The following NFASC variants were observed in gnomAD, a reference collection of about 807,000 sequenced individuals.
NFASC encodes the protein neurofascin.
In NFASC, 43 loss-of-function variants were observed where a neutral mutation model predicts 147.5. That is an observed-to-expected ratio of 0.29 (90% CI 0.23 to 0.38). The LOEUF (loss-of-function observed/expected upper bound fraction) is 0.38. Ranked by LOEUF, NFASC falls within the 10% of genes least tolerant of loss-of-function variation. The pLI is 1.00. For missense variants in NFASC, 1,320 were observed against 1,689.0 expected (o/e 0.78, Z 3.83); for synonymous variants, 622 against 665.5 (o/e 0.93, Z 1.01).
chr1:204,995,348 GTGTGTA>G (rs946745133), intron 24 of NFASC, among the ~76,000 whole-genome samples: 2 of 148,312 alleles, frequency 1.3e-5, no homozygotes, highest in Non-Finnish European at 3.0e-5. Context: ...GTGTGTGTGT[GTGTGTA>G]TGTGTGTCGG....
intron 29 of NFASC, among the ~76,000 whole-genome samples, chr1:205,014,851 T>C (rs967665647): frequency 4.1e-4 from 63 of 151,950 alleles, no homozygotes; most frequent in African/African-American, 1.2e-3. Context: ...TGGAAAGGAG[T>C]GCATGCGAAT....
At chr1:204,921,997 G>A (rs1356347759) in intron 2 of NFASC, among the ~76,000 whole-genome samples, 1 of 152,162 alleles carries the variant, frequency 6.6e-6, no homozygotes, top group Non-Finnish European at 1.5e-5. Context: ...TGAACATACT[G>A]ACTGACAGTG....
In NFASC at chr1:205,015,205, G is replaced by A. The variant is rs150383786; in HGVS notation, c.3492-1103G>A. ...TTCCCCACGTCCAGGAAGGACTGGG[G>A]GTGGGTGGGGAGCTGGGGGCAAGGC... On this transcript the variant is annotated intron_variant, in intron 29 of 29. Coordinates refer to ENST00000339876, the MANE Select transcript of NFASC (RefSeq NM_001005388.3). This position sits in a 1 kb window ranked among gnomAD's most constrained non-coding sequence, Gnocchi z 4.0. Among the ~76,000 whole-genome samples the A allele has an allele frequency of 8.3e-4, 126 of 152,272 alleles. 1 individual carries two copies. The highest frequency in any genetic ancestry group is 6.2e-3 in the East Asian group (32 of 5,168).
intron 1 of NFASC, among the ~76,000 whole-genome samples, chr1:204,894,074 G>C (rs934482527): frequency 4.6e-5 from 7 of 152,154 alleles, no homozygotes; most frequent in Non-Finnish European, 7.3e-5. Context: ...TCAACTCTTT[G>C]TACCTGGATG....
At chr1:204,860,732 G>T (rs1309921491) in intron 1 of NFASC, among the ~76,000 whole-genome samples, 1 of 152,168 alleles carries the variant, frequency 6.6e-6, no homozygotes, top group African/African-American at 2.4e-5. Flanking sequence ...CAATGAAGTG[G>T]TCACTTCCCA....
At chr1:204,835,669 A>C (rs1290676174) in intron 1 of NFASC, among the ~76,000 whole-genome samples, 2 of 152,174 alleles carry the variant, frequency 1.3e-5, no homozygotes, top group Non-Finnish European at 2.9e-5. Context: ...CATGTAATTC[A>C]GTAGTGAGGG....
intron 27 of NFASC, 152 bp from the exon 28 acceptor site, chr1:205,009,405 A>G (rs1530745): frequency 0.7 from 568,722 of 816,068 alleles, 201,521 homozygotes; most frequent in Middle Eastern, 0.76. Flanking sequence ...GTCCTTTAGC[A>G]GGGTAGTTTG....
At chr1:204,989,061 A>G in intron 23 of NFASC, 1 of 541,722 alleles carries the variant, frequency 1.8e-6, no homozygotes, top group Non-Finnish European at 3.3e-6. Context: ...GTCACTTGAC[A>G]TCTATCATCT....
Position 205,001,176 on chromosome 1 carries a change from A to G in NFASC, c.3026A>G (p.Asp1009Gly). ...TTTCTAACCCGTCCACCAGCCCCTG[A>G]TGAGCAGTCCATATGGAACGTCACG... ...SGTKIHESAP[D>G]EQSIWNVTVL... The change falls in exon 26 of 30, where the codon GAT becomes GGT. Residue 1009 changes from aspartate to glycine, a missense_variant. Around this residue, in one of 3 missense-constraint regions of NFASC, gnomAD observed 172 missense variants for 165.8 expected, o/e 1.04. Coordinates refer to ENST00000339876, the MANE Select transcript of NFASC (RefSeq NM_001005388.3). The G allele has an allele frequency of 6.2e-7, 1 of 1,605,902 alleles. No individual in the cohort carries two copies. The highest frequency in any genetic ancestry group is 8.5e-7 in the Non-Finnish European group (1 of 1,174,964).
intron 1 of NFASC, among the ~76,000 whole-genome samples, chr1:204,900,671 CAG>C (rs1365438712): frequency 6.6e-6 from 1 of 152,000 alleles, no homozygotes; most frequent in African/African-American, 2.4e-5. Context: ...GCAGGGGAGA[CAG>C]GGAGTGCTGG....
At chr1:204,875,282 C>T (rs572816167) in intron 1 of NFASC, among the ~76,000 whole-genome samples, 1 of 152,250 alleles carries the variant, frequency 6.6e-6, no homozygotes, top group South Asian at 2.1e-4. Context: ...GGGCCCTTCT[C>T]TCATAAAGAG....
intron 2 of NFASC, among the ~76,000 whole-genome samples, chr1:204,928,471 G>A (rs2091973417): frequency 6.6e-6 from 1 of 152,090 alleles, no homozygotes; most frequent in Admixed American, 6.5e-5. Flanking sequence ...ATGCACTTTG[G>A]GCTTCCTTGC....
intron 1 of NFASC, among the ~76,000 whole-genome samples, chr1:204,886,001 G>A (rs1207889705): frequency 2.0e-5 from 3 of 152,178 alleles, no homozygotes; most frequent in East Asian, 1.9e-4. Context: ...TTTCGAAATC[G>A]CTTTCGAGGC....
At chr1:204,896,569 T>C (rs983443621) in intron 1 of NFASC, among the ~76,000 whole-genome samples, 2 of 152,194 alleles carry the variant, frequency 1.3e-5, no homozygotes, top group African/African-American at 4.8e-5. Flanking sequence ...CCATTCCATG[T>C]GTGTTGTACA....
At chr1:204,940,523 A>G (rs1437475802) in intron 2 of NFASC, among the ~76,000 whole-genome samples, 2 of 152,090 alleles carry the variant, frequency 1.3e-5, no homozygotes, top group Admixed American at 6.5e-5. Context: ...TGCACCCACA[A>G]CTCTATCCAG....
At chr1:205,001,088 C>T (rs780927072) in intron 25 of NFASC, 82 bp from the exon 26 acceptor site, 82 of 805,230 alleles carry the variant, frequency 1.0e-4, no homozygotes, top group Non-Finnish European at 1.5e-4. Context: ...TGCATGCACA[C>T]GCTTGTGTGT....
chr1:204,905,623 A>T (rs1361655028), intron 1 of NFASC, among the ~76,000 whole-genome samples: 4 of 152,032 alleles, frequency 2.6e-5, no homozygotes, highest in Non-Finnish European at 5.9e-5. Context: ...TAGCATCCTA[A>T]TTCACATTTT....
chr1:204,928,005 G>A (rs554812464), intron 2 of NFASC, among the ~76,000 whole-genome samples: 10 of 152,304 alleles, frequency 6.6e-5, no homozygotes, highest in African/African-American at 2.2e-4. Flanking sequence ...CCAGAGGGGG[G>A]AGTTCGCTTC....
intron 5 of NFASC, 60 bp downstream of exon 5, chr1:204,952,176 A>T: frequency 7.7e-7 from 1 of 1,299,998 alleles, no homozygotes; most frequent in Non-Finnish European, 1.1e-6. Context: ...GCCTGATGAT[A>T]ACTAAGGCAA....
Sources: gnomAD v4.1 joint callset for allele counts (sites outside exome capture counted in the v4.1 genomes callset) on GRCh38, gnomAD v4.1.1 for gene constraint, gnomAD v4.1.1 regional missense constraint, Gnocchi (gnomAD v3.1) non-coding constraint, MANE v1.5 for transcripts, NCBI Gene and HGNC (gene_info 2026-07-23, HGNC 2026-07-21) for gene names.